The following TCEA3 variants were observed in gnomAD, a reference collection of about 807,000 sequenced individuals.
TCEA3 encodes transcription elongation factor A3, also known as transcription elongation factor A protein 3.
TCEA3 carries 36 observed loss-of-function variants against 44.0 expected under a neutral mutation model. That is an observed-to-expected ratio of 0.82 (90% CI 0.63 to 1.08). The LOEUF (loss-of-function observed/expected upper bound fraction) is 1.08, where lower values mean the gene tolerates loss of function less well. TCEA3 is among the 50% of genes least tolerant of loss of function. TCEA3 has a pLI of 0.00. For synonymous variants in TCEA3, 162 were observed against 159.7 expected, an observed-to-expected ratio of 1.01 and a Z score of -0.11; for missense variants, 392 against 441.2, an observed-to-expected ratio of 0.89 and a Z score of 1.00.
At chr1:23,385,598 G>T (rs1040666207) in intron 9 of TCEA3, among the ~76,000 whole-genome samples, 1 of 152,234 alleles carries the variant, frequency 6.6e-6, no homozygotes, top group Admixed American at 6.5e-5. Context: ...AGGTGCTCTT[G>T]ATAAATGGTG....
In TCEA3 at chr1:23,424,667, CAG is replaced by C. The variant is rs929091812; in HGVS notation, c.-36_-35del. 2 of 1,569,502 alleles carry C rather than the reference CAG, an allele frequency of 1.3e-6. No individual in the cohort carries two copies. The highest frequency in any genetic ancestry group is 1.7e-6 in the Non-Finnish European group (2 of 1,152,224). ...GCGACGCCCGGCGGGGCGAGGGGCA[CAG>C]GGGCAGCAGTAGGGCCTCGGGGGCA... On this transcript the variant is annotated 5_prime_UTR_variant, in exon 1 of 11. Coordinates refer to ENST00000450454, the MANE Select transcript of TCEA3 (RefSeq NM_003196.3).
intron 8 of TCEA3, among the ~76,000 whole-genome samples, chr1:23,393,483 C>A (rs1280410189): frequency 2.6e-5 from 4 of 152,102 alleles, no homozygotes; most frequent in Non-Finnish European, 5.9e-5. Flanking sequence ...GCACTCCACA[C>A]GTACAGCCCC....
At position 23,398,443 on chromosome 1, in the gene TCEA3, G is replaced by C. The variant is rs72882953; in HGVS notation, c.444-488C>G. On this transcript the variant is annotated intron_variant, in intron 5 of 10. Transcript: ENST00000450454. ...TTTATTACAAACCTATTCTCCAGGC[G>C]CTTGTCAAGAACAAAGGATAATGCA... Among the ~76,000 whole-genome samples the C allele has an allele frequency of 2.6e-5, 4 of 152,260 alleles. No individual in the cohort carries two copies. The South Asian group carries it at 6.2e-4, about 24-fold the overall frequency.
chr1:23,422,952 C>G (rs576805112), intron 1 of TCEA3, among the ~76,000 whole-genome samples: 1 of 152,316 alleles, frequency 6.6e-6, no homozygotes, highest in African/African-American at 2.4e-5. Flanking sequence ...CCCTACCCCT[C>G]TTACCCAGGG....
intron 10 of TCEA3, 148 bp downstream of exon 10, chr1:23,384,198 C>T: frequency 6.7e-7 from 1 of 1,501,082 alleles, no homozygotes; most frequent in Non-Finnish European, 8.9e-7. Flanking sequence ...CAGCAATCCG[C>T]CACTATCTCT....
chr1:23,412,274 C>G (rs948543278), intron 4 of TCEA3: 6 of 152,102 alleles, frequency 3.9e-5, no homozygotes, highest in African/African-American at 9.7e-5. Context: ...ATAATTTGCA[C>G]CCATAGTCCC....
At chr1:23,413,522 C>A (rs1393735337) in intron 4 of TCEA3, among the ~76,000 whole-genome samples, 2 of 152,160 alleles carry the variant, frequency 1.3e-5, no homozygotes, top group Non-Finnish European at 2.9e-5. Context: ...CAACCTCAGC[C>A]TCCCAAATTC....
At chr1:23,397,446 C>T in intron 7 of TCEA3, 99 bp downstream of exon 7, 2 of 1,083,582 alleles carry the variant, frequency 1.8e-6, no homozygotes, top group South Asian at 1.5e-5. Context: ...GTTCCCGGAG[C>T]CCTTCCTCTC....
intron 5 of TCEA3, 113 bp from the exon 6 acceptor site, chr1:23,398,068 T>G: frequency 1.5e-6 from 2 of 1,317,628 alleles, no homozygotes; most frequent in Non-Finnish European, 2.1e-6. Flanking sequence ...AACAACCTCA[T>G]GAGGTAGGTA....
Position 23,416,979 on chromosome 1 carries a change from T to C in TCEA3, c.380+270A>G, listed in dbSNP as rs918640993. Among the ~76,000 whole-genome samples, 6 of 152,116 alleles carry C rather than the reference T, an allele frequency of 3.9e-5. No individual in the cohort carries two copies. The South Asian group carries it at 1.0e-3, about 26-fold the overall frequency. ...TGCGGTCTCCTATGGGAACTCTCTG[T>C]AGAGAAATGCTGGAGGCCCTCCCGC... On this transcript the variant is annotated intron_variant, in intron 4 of 10. Coordinates refer to ENST00000450454, the MANE Select transcript of TCEA3 (RefSeq NM_003196.3).
intron 9 of TCEA3, among the ~76,000 whole-genome samples, chr1:23,385,623 G>A (rs1246494540): frequency 3.9e-5 from 6 of 152,200 alleles, no homozygotes; most frequent in African/African-American, 1.4e-4. Flanking sequence ...CCGAACAGAC[G>A]GAGAACTCTG....
In TCEA3 at chr1:23,384,335, AACAT is replaced by A; in HGVS notation, c.1038+7_1038+10del. On this transcript the variant is annotated splice_region_variant and intron_variant, in intron 10 of 10. Transcript: ENST00000450454. The stretch of plus-strand genomic sequence containing the variant: ...ATAACAGGGAAGGGGGAAATACATA[AACAT>A]ACAGACCTTCCAGCGATTGCCACAT... 1 of 1,613,908 alleles carries A rather than the reference AACAT, an allele frequency of 6.2e-7. No homozygotes were observed. The highest frequency in any genetic ancestry group is 1.7e-5 in the Admixed American group (1 of 60,022).
Position 23,420,329 on chromosome 1 carries a change from CT to C in TCEA3, c.70-1191del, listed in dbSNP as rs556657383. Among the ~76,000 whole-genome samples, 11 of 152,302 alleles carry C rather than the reference CT, an allele frequency of 7.2e-5. No individual in the cohort carries two copies. In the East Asian group the frequency reaches 2.1e-3, roughly 29 times the overall value. The stretch of plus-strand genomic sequence containing the variant: ...CAATCACAGTTCACTGCAGCTTCGA[CT>C]TTCCAGGCTCAGGTGATCCTCCCAC... On this transcript the variant is annotated intron_variant, in intron 1 of 10. Transcript: ENST00000450454.
intron 7 of TCEA3, 32 bp from the exon 8 acceptor site, chr1:23,394,065 T>A (rs1183250917): frequency 1.2e-6 from 2 of 1,612,872 alleles, no homozygotes; most frequent in Non-Finnish European, 1.7e-6. Flanking sequence ...CAGCCATTCA[T>A]GGAGGGGCAC....
Position 23,424,550 on chromosome 1 carries a change from A to G in TCEA3, c.69+15T>C. On this transcript the variant is annotated intron_variant, in intron 1 of 10. Transcript: ENST00000450454. Reference sequence around the variant, plus strand: ...CCCGGGGGCGGGGGCCGTGGCCCAAACTCTGCAGCCTCACCGTGTTCTTCC... The same window carrying G: ...CCCGGGGGCGGGGGCCGTGGCCCAAGCTCTGCAGCCTCACCGTGTTCTTCC... The G allele has an allele frequency of 6.2e-7, 1 of 1,603,152 alleles. No individual in the cohort carries two copies. Among genetic ancestry groups the G allele is most frequent in the South Asian group, 1.1e-5 (1 of 90,762 alleles).
In TCEA3 at chr1:23,408,671, C is replaced by T. The variant is rs767936039; in HGVS notation, c.436G>A (p.Val146Met). ...AGCTGTGGTTTCCTTTACCTTTCCA[C>T]CGATGGTCTTTTTGGAGAGGAGGAG... Reference protein sequence around the residue: ...SASSSPKRPSVERSNSSKSKA... With the variant: ...SASSSPKRPSMERSNSSKSKA... The change falls in exon 5 of 11, where the codon GTG becomes ATG. Residue 146 changes from valine to methionine, a missense_variant. Physicochemically the swap from Val to Met is conservative, Grantham distance 21 (BLOSUM62 1). Transcript: ENST00000450454. 1.2e-6 allele frequency: 2 copies of T among 1,611,396 alleles called. No individual in the cohort carries two copies. The highest frequency in any genetic ancestry group is 2.7e-5 in the African/African-American group (2 of 74,922).
Position 23,387,376 on chromosome 1 carries a change from G to GT in TCEA3, c.862dup (p.Thr288AsnfsTer7). ...CTGGTGCTCACGGATGGCCTCCTGG[G>GT]TCATGGCATTCCTCAACTCCCTCAG... On this transcript the variant is annotated frameshift_variant, in exon 9 of 11. Transcript: ENST00000450454. LOFTEE classifies it high-confidence loss of function. 1 of 1,611,660 alleles carries GT rather than the reference G, an allele frequency of 6.2e-7. No homozygotes were observed. The highest frequency in any genetic ancestry group is 8.5e-7 in the Non-Finnish European group (1 of 1,178,880).
intron 1 of TCEA3, 37 bp from the exon 2 acceptor site, chr1:23,419,176 T>G (rs756290028): frequency 8.6e-6 from 13 of 1,502,932 alleles, no homozygotes; most frequent in African/African-American, 7.0e-5. Flanking sequence ...GGGGCCTGGG[T>G]CCTGACCAGG....
chr1:23,399,138 ATATATG>A (rs1288563461), intron 5 of TCEA3, among the ~76,000 whole-genome samples: 86 of 72,354 alleles, frequency 1.2e-3, no homozygotes, highest in African/African-American at 7.0e-3. Context: ...ATATATATGT[ATATATG>A]TATATATATA....
Sources: gnomAD v4.1 joint callset for allele counts (sites outside exome capture counted in the v4.1 genomes callset) on GRCh38, gnomAD v4.1.1 for gene constraint, MANE v1.5 for transcripts, NCBI Gene and HGNC (gene_info 2026-07-23, HGNC 2026-07-21) for gene names.